Variants in GREM2 observed in about 807,000 individuals in gnomAD.
The protein encoded by GREM2 is gremlin-2.
GREM2 carries 11 observed loss-of-function variants against 14.2 expected under a neutral mutation model. The ratio of observed to expected loss-of-function variants is 0.78; its 90% confidence interval spans 0.49 to 1.28. The LOEUF (loss-of-function observed/expected upper bound fraction) is 1.28, where lower values mean the gene tolerates loss of function less well. Among genes scored for constraint, GREM2 ranks in the 50% most tolerant of loss-of-function variants. The probability of loss-of-function intolerance (pLI) is 0.00; values close to 1 mark genes in which losing one functional copy is unlikely to be tolerated. For synonymous variants in GREM2, 98 were observed against 97.6 expected (o/e 1.00, Z -0.02); for missense variants, 210 against 218.5 (o/e 0.96, Z 0.24).
rs1338376635 is a variant in GREM2, at chr1:240,542,326, A to G, written c.-1-48850T>C. Among the ~76,000 whole-genome samples, 4 of 151,876 alleles carry G rather than the reference A, an allele frequency of 2.6e-5. No individual in the cohort carries two copies. The highest frequency in any genetic ancestry group is 5.9e-5 in the Non-Finnish European group (4 of 67,970). On this transcript the variant is annotated intron_variant, in intron 1 of 1. Transcript: ENST00000318160. The surrounding 1 kb of genome is among the most constrained non-coding windows in gnomAD (Gnocchi z 4.1). ...TAATTTCTAAGGAGCTGAGCCGGGC[A>G]CGGTGGCTCACGGCTCACGTCTAAT... is the stretch of plus-strand genomic sequence containing the variant.
Position 240,567,561 on chromosome 1 carries a change from C to A in GREM2, c.-2+44323G>T, listed in dbSNP as rs566559468. On this transcript the variant is annotated intron_variant, in intron 1 of 1. Transcript: ENST00000318160. ...GCAAAAACCCGATAAACCTAGAATTCAATATTCAACAAAATGATTTTTCTA... is the reference window on the plus strand; with the variant it reads ...GCAAAAACCCGATAAACCTAGAATTAAATATTCAACAAAATGATTTTTCTA... 7.2e-5 allele frequency among the ~76,000 whole-genome samples: 11 copies of A among 152,148 alleles called. No individual in the cohort carries two copies. The South Asian group carries it at 1.0e-3, about 14-fold the overall frequency.
At chr1:240,523,251 C>T (rs1165193285) in intron 1 of GREM2, among the ~76,000 whole-genome samples, 1 of 152,172 alleles carries the variant, frequency 6.6e-6, no homozygotes, top group African/African-American at 2.4e-5. Flanking sequence ...TGTCACCAGG[C>T]CTGGCTAGTA....
At position 240,491,931 on chromosome 1, in the gene GREM2, A is replaced by T. The variant is rs556825634; in HGVS notation, c.*1038T>A. On this transcript the variant is annotated 3_prime_UTR_variant, in exon 2 of 2. Transcript: ENST00000318160. ...TGCTTAGTAACGTCAGTGAAATAGTATTCAAAGTAAAAATCACGACTCCTC... is the reference window on the plus strand; with the variant it reads ...TGCTTAGTAACGTCAGTGAAATAGTTTTCAAAGTAAAAATCACGACTCCTC... 1.2e-3 allele frequency: 206 copies of T among 169,782 alleles called. No individual in the cohort carries two copies. Among genetic ancestry groups the T allele is most frequent in the Admixed American group, 2.1e-3 (36 of 17,036 alleles). 10.5% of individuals were successfully genotyped at this position (169,782 alleles called of 1,614,324 possible).
intron 1 of GREM2, among the ~76,000 whole-genome samples, chr1:240,604,578 T>A (rs1479735643): frequency 6.6e-6 from 1 of 152,180 alleles, no homozygotes; most frequent in Non-Finnish European, 1.5e-5. Context: ...CTAAAGAGAA[T>A]GTGATATTTC....
At chr1:240,550,546 C>G (rs207461310) in intron 1 of GREM2, among the ~76,000 whole-genome samples, 1 of 152,064 alleles carries the variant, frequency 6.6e-6, no homozygotes, top group African/African-American at 2.4e-5. Context: ...GATTCTGTGC[C>G]GGGGTACTTG....
At chr1:240,565,658 A>C (rs1679163305) in intron 1 of GREM2, among the ~76,000 whole-genome samples, 2 of 152,010 alleles carry the variant, frequency 1.3e-5, no homozygotes, top group South Asian at 4.2e-4. Flanking sequence ...AGCCTGGGTA[A>C]CATGATGAAA....
At chr1:240,593,291 T>C (rs981611437) in intron 1 of GREM2, among the ~76,000 whole-genome samples, 2 of 152,200 alleles carry the variant, frequency 1.3e-5, no homozygotes, top group African/African-American at 4.8e-5. Context: ...TTGCAGTCCA[T>C]TGTCACTTGG....
chr1:240,541,684 G>A, intron 1 of GREM2, among the ~76,000 whole-genome samples: 1 of 151,552 alleles, frequency 6.6e-6, no homozygotes, highest in East Asian at 1.9e-4. Flanking sequence ...CATTGCACAT[G>A]GTAAGAATTT....
chr1:240,521,268 T>TA (rs1558147421), intron 1 of GREM2, among the ~76,000 whole-genome samples: 1 of 151,906 alleles, frequency 6.6e-6, no homozygotes, highest in African/African-American at 2.4e-5. Flanking sequence ...TTCTATATCT[T>TA]AAAAAAATGA....
intron 1 of GREM2, among the ~76,000 whole-genome samples, chr1:240,608,564 A>T (rs1420923796): frequency 6.6e-6 from 1 of 152,332 alleles, no homozygotes; most frequent in East Asian, 1.9e-4. Context: ...GTTGAATAAT[A>T]TTTTTAATGC....
chr1:240,610,311 A>G (rs896792065), intron 1 of GREM2, among the ~76,000 whole-genome samples: 1 of 152,276 alleles, frequency 6.6e-6, no homozygotes, highest in Middle Eastern at 3.4e-3. Context: ...AAATTTATCT[A>G]TAAAGTTAAA....
Position 240,493,298 on chromosome 1 carries a change from G to C in GREM2, c.178C>G (p.Leu60Val), listed in dbSNP as rs765811083. 7.4e-5 allele frequency: 120 copies of C among 1,613,898 alleles called. No homozygotes were observed. Among genetic ancestry groups the C allele is most frequent in the Non-Finnish European group, 9.4e-5 (111 of 1,179,992 alleles). Residue 60 changes from leucine to valine, a missense_variant, in exon 2 of 2, where the codon CTG becomes GTG. Leu to Val is a conservative substitution (Grantham distance 32). Coordinates refer to ENST00000318160, the MANE Select transcript of GREM2 (RefSeq NM_022469.4). ...AGGTACTTGCGCTCGGTGACCACCA[G>C]GGCCTCCTGGCTGGAGGCCAGCACC... ...KEVLASSQEA[L>V]VVTERKYLKS...
rs572162251 is a variant in GREM2, at chr1:240,601,831, C to G, written c.-2+10053G>C. ...CTGAGGCAGGAGAATCGCTTGAACCCGGGAGGCGGAGGTTGCAGCGAGCCA... is the reference window on the plus strand; with the variant it reads ...CTGAGGCAGGAGAATCGCTTGAACCGGGGAGGCGGAGGTTGCAGCGAGCCA... On this transcript the variant is annotated intron_variant, in intron 1 of 1. Coordinates refer to ENST00000318160, the MANE Select transcript of GREM2 (RefSeq NM_022469.4). Among the ~76,000 whole-genome samples the G allele has an allele frequency of 6.0e-5, 9 of 150,328 alleles. No homozygotes were observed. The East Asian group carries it at 1.8e-3, about 30-fold the overall frequency.
chr1:240,551,193 G>C (rs1678842367), intron 1 of GREM2, among the ~76,000 whole-genome samples: 2 of 152,092 alleles, frequency 1.3e-5, no homozygotes, highest in Admixed American at 6.6e-5. Flanking sequence ...TCTCCATGAG[G>C]GTTCAAAGTA....
chr1:240,521,968 T>A (rs557707648), intron 1 of GREM2, among the ~76,000 whole-genome samples: 21 of 151,214 alleles, frequency 1.4e-4, no homozygotes, highest in African/African-American at 5.1e-4. Flanking sequence ...AATTTTTTTT[T>A]AATTAGCTCG....
chr1:240,493,596 G>GA, intron 1 of GREM2, 120 bp from the exon 2 acceptor site: 1 of 1,210,010 alleles, frequency 8.3e-7, no homozygotes, highest in Non-Finnish European at 1.1e-6. Flanking sequence ...TGGAGTGCAG[G>GA]GGCACGTAGC....
At chr1:240,497,851 A>G (rs913325699) in intron 1 of GREM2, among the ~76,000 whole-genome samples, 2 of 152,092 alleles carry the variant, frequency 1.3e-5, no homozygotes, top group Non-Finnish European at 2.9e-5. Context: ...TTGTGGAATG[A>G]TTTGTGATCT....
In GREM2 at chr1:240,490,426, G is replaced by A. The variant is rs1677220330; in HGVS notation, c.*2543C>T. The A allele has an allele frequency of 1.3e-5, 2 of 152,702 alleles. No homozygotes were observed. The highest frequency in any genetic ancestry group is 4.1e-4 in the South Asian group (2 of 4,820). The allele number at this position is 152,702 out of a possible 1,614,324, so 9.5% of individuals were successfully genotyped here. A position where few individuals can be genotyped will look rare whatever the true frequency, so the allele number is the denominator to read the frequency against. On this transcript the variant is annotated 3_prime_UTR_variant, in exon 2 of 2. Coordinates refer to ENST00000318160, the MANE Select transcript of GREM2 (RefSeq NM_022469.4). ...TGAACAAAAACTCTCTGAACGCATA[G>A]TGCTGCTTCACAGCTCACTGCAACA...
At chr1:240,514,455 T>C (rs1472373860) in intron 1 of GREM2, among the ~76,000 whole-genome samples, 1 of 149,120 alleles carries the variant, frequency 6.7e-6, no homozygotes, top group African/African-American at 2.5e-5. Flanking sequence ...TTCTAAAGTT[T>C]ACATGAAAGG....
Sources: allele counts gnomAD v4.1 joint callset (sites outside exome capture counted in the v4.1 genomes callset), GRCh38; gene constraint gnomAD v4.1.1; non-coding constraint Gnocchi (gnomAD v3.1); transcripts MANE v1.5; gene names NCBI Gene and HGNC (gene_info 2026-07-23, HGNC 2026-07-21).